Variants in COL9A1 observed in about 807,000 individuals in gnomAD.
COL9A1 encodes the protein collagen type IX alpha 1 chain.
A neutral mutation model predicts 142.6 loss-of-function variants in COL9A1; 104 were observed. The observed-to-expected ratio is 0.73, with a 90% confidence interval of 0.62 to 0.86. The LOEUF (loss-of-function observed/expected upper bound fraction) is 0.86, where lower values mean the gene tolerates loss of function less well. COL9A1 is among the 40% of genes least tolerant of loss of function. The pLI is 0.00. For synonymous variants in COL9A1, 466 were observed against 396.0 expected, an observed-to-expected ratio of 1.18 and a Z score of -2.10; for missense variants, 1,210 against 1,176.6, an observed-to-expected ratio of 1.03 and a Z score of -0.42.
intron 18 of COL9A1, among the ~76,000 whole-genome samples, chr6:70,264,365 A>AT (rs1429922940): frequency 2.6e-5 from 4 of 151,996 alleles, no homozygotes; most frequent in African/African-American, 9.7e-5. Flanking sequence ...ATTTATCTTG[A>AT]TTTTTTAAAC....
chr6:70,241,477 C>T, intron 30 of COL9A1, 23 bp from the exon 31 acceptor site: 2 of 1,599,122 alleles, frequency 1.3e-6, no homozygotes, highest in Non-Finnish European at 1.7e-6. Context: ...AAATATAATA[C>T]TTTTTCAGTA....
chr6:70,255,036 C>T lies in COL9A1; in HGVS notation c.1612-20G>A. 1.2e-6 allele frequency: 2 copies of T among 1,614,022 alleles called. No homozygotes were observed. The highest frequency in any genetic ancestry group is 8.5e-7 in the Non-Finnish European group (1 of 1,179,876). ...CAAACCCTAAACACACACAAAGAAA[C>T]ATACTGTCTCTTACACACAGTCACA... is the stretch of plus-strand genomic sequence containing the variant. On this transcript the variant is annotated intron_variant, in intron 23 of 37. Coordinates refer to ENST00000357250, the MANE Select transcript of COL9A1 (RefSeq NM_001851.6).
At chr6:70,241,252 T>C (rs996872838) in intron 31 of COL9A1, among the ~76,000 whole-genome samples, 167 bp downstream of exon 31, 6 of 152,168 alleles carry the variant, frequency 3.9e-5, no homozygotes, top group African/African-American at 7.2e-5. Context: ...TAGTAAACAA[T>C]GCTGCGGACC....
chr6:70,234,299 C>CAAAAAAAAAAAA (rs1376237848), intron 35 of COL9A1, among the ~76,000 whole-genome samples: 2 of 132,020 alleles, frequency 1.5e-5, no homozygotes, highest in Non-Finnish European at 1.7e-5. Flanking sequence ...AAAAACAAAA[C>CAAAAAAAAAAAA]AAAACAAAAA....
chr6:70,216,643 T>G lies in COL9A1; in HGVS notation c.*254A>C. On this transcript the variant is annotated 3_prime_UTR_variant, in exon 38 of 38. Transcript: ENST00000357250. The stretch of plus-strand genomic sequence containing the variant: ...GGAGTATAAATTTATTCAAGGGAGG[T>G]GTTTGGTTTTCTTTTTTTTTTTTTA... 2.2e-5 allele frequency: 11 copies of G among 495,558 alleles called. No homozygotes were observed. The highest frequency in any genetic ancestry group is 9.0e-5 in the South Asian group (4 of 44,554). The allele number at this position is 495,558 out of a possible 1,614,324, so 30.7% of individuals were successfully genotyped here. A position where few individuals can be genotyped will look rare whatever the true frequency, so the allele number is the denominator to read the frequency against.
intron 18 of COL9A1, among the ~76,000 whole-genome samples, chr6:70,264,809 T>C (rs1202599870): frequency 6.6e-6 from 1 of 152,116 alleles, no homozygotes; most frequent in African/African-American, 2.4e-5. Flanking sequence ...TACCACAACA[T>C]TTTGATTATT....
intron 4 of COL9A1, among the ~76,000 whole-genome samples, chr6:70,299,048 G>A (rs1184730631): frequency 2.6e-5 from 4 of 152,060 alleles, no homozygotes; most frequent in African/African-American, 7.2e-5. Context: ...CTATATCACA[G>A]GGTTGTGATG....
chr6:70,280,686 A>C, intron 10 of COL9A1, 126 bp downstream of exon 10: 1 of 1,379,628 alleles, frequency 7.2e-7, no homozygotes, highest in Non-Finnish European at 1.0e-6. Context: ...CAGGAGGCCA[A>C]GTTTAGAGCC....
At chr6:70,283,879 CAA>C (rs1773331040) in intron 5 of COL9A1, 59 bp from the exon 6 acceptor site, 6 of 1,233,550 alleles carry the variant, frequency 4.9e-6, no homozygotes, top group African/African-American at 3.0e-5. Flanking sequence ...GCTGGTCATT[CAA>C]GAGAGAGATG....
chr6:70,232,319 G>C (rs951264302), intron 36 of COL9A1, among the ~76,000 whole-genome samples: 1 of 152,122 alleles, frequency 6.6e-6, no homozygotes, highest in Admixed American at 6.5e-5. Context: ...CCATGATTGA[G>C]GTAGAGTATA....
Position 70,282,893 on chromosome 6 carries a change from C to T in COL9A1, c.801+5G>A. ...AAATGCAAACACTCCCTGCCCCCAA[C>T]TTACCTCGTCGGTGGTCTGGCTGGG... On this transcript the variant is annotated splice_donor_5th_base_variant and intron_variant, in intron 7 of 37. Transcript: ENST00000357250. 1.2e-6 allele frequency: 2 copies of T among 1,614,238 alleles called. No individual in the cohort carries two copies. The highest frequency in any genetic ancestry group is 1.7e-6 in the Non-Finnish European group (2 of 1,180,046).
intron 10 of COL9A1, chr6:70,279,666 A>AAAAAAAAAAAAAAC (rs1562322878): frequency 1.2e-4 from 20 of 170,740 alleles, no homozygotes; most frequent in African/African-American, 4.7e-4. Context: ...AAAAAAAAAA[A>AAAAAAAAAAAAAAC]AAAACACATA....
At chr6:70,254,844 G>T (rs1189947699) in intron 24 of COL9A1, 119 bp downstream of exon 24, 3 of 939,780 alleles carry the variant, frequency 3.2e-6, no homozygotes, top group African/African-American at 3.3e-5. Context: ...ATTAAAGGAA[G>T]GGAAAAAGCC....
chr6:70,222,325 A>G (rs1267738984), intron 37 of COL9A1, among the ~76,000 whole-genome samples: 1 of 152,168 alleles, frequency 6.6e-6, no homozygotes, highest in African/African-American at 2.4e-5. Context: ...ATTCCCATTC[A>G]CTGAAGAGGA....
chr6:70,292,568 TAGTG>T (rs545441553), intron 5 of COL9A1, among the ~76,000 whole-genome samples: 2 of 152,290 alleles, frequency 1.3e-5, no homozygotes, highest in South Asian at 4.1e-4. Flanking sequence ...AATGAAGTAA[TAGTG>T]AGACTTTAGC....
intron 28 of COL9A1, among the ~76,000 whole-genome samples, chr6:70,247,935 G>A (rs1463270705): frequency 2.0e-5 from 3 of 152,180 alleles, no homozygotes; most frequent in Admixed American, 2.0e-4. Flanking sequence ...GTGGACCTCT[G>A]TCATTGAGGC....
chr6:70,227,895 T>A (rs1268144479), intron 36 of COL9A1, among the ~76,000 whole-genome samples: 1 of 152,004 alleles, frequency 6.6e-6, no homozygotes, highest in Non-Finnish European at 1.5e-5. Context: ...TAAAGGACAA[T>A]ATGATTCATT....
At chr6:70,275,016 T>C in intron 10 of COL9A1, 1 of 522,584 alleles carries the variant, frequency 1.9e-6, no homozygotes, top group Non-Finnish European at 3.4e-6. Flanking sequence ...CTAACTGCAT[T>C]GTTTATCACA....
At position 70,266,770 on chromosome 6, in the gene COL9A1, C is replaced by A; in HGVS notation, c.1288G>T (p.Gly430Cys). 6.2e-7 allele frequency: 1 copy of A among 1,612,934 alleles called. No homozygotes were observed. The highest frequency in any genetic ancestry group is 2.2e-5 in the East Asian group (1 of 44,804). Residue 430 changes from glycine to cysteine, a missense_variant and splice_region_variant, in exon 18 of 38, where the codon GGT becomes TGT. By Grantham distance (159) the Gly-to-Cys change is radical. Coordinates refer to ENST00000357250, the MANE Select transcript of COL9A1 (RefSeq NM_001851.6). Reference sequence around the variant, plus strand: ...ATTTCTCCTTTAGCCCCTTTATGACCCTAACAAATGCAAAATAAGTAATTG... The same window carrying A: ...ATTTCTCCTTTAGCCCCTTTATGACACTAACAAATGCAAAATAAGTAATTG... ...SGYPGLPGMR[G>C]HKGAKGEIGE...
Sources: gnomAD v4.1 joint callset for allele counts (sites outside exome capture counted in the v4.1 genomes callset) on GRCh38, gnomAD v4.1.1 for gene constraint, MANE v1.5 for transcripts, NCBI Gene and HGNC (gene_info 2026-07-23, HGNC 2026-07-21) for gene names.